The following GRM5 variants were observed in gnomAD, a reference collection of about 807,000 sequenced individuals.
GRM5 encodes metabotropic glutamate receptor 5.
Under a neutral mutation model 83.1 loss-of-function variants are expected in GRM5, and 19 were observed. The observed-to-expected ratio is 0.23, with a 90% confidence interval of 0.16 to 0.34. The LOEUF (loss-of-function observed/expected upper bound fraction) is 0.34, where lower values mean the gene tolerates loss of function less well. Ranked by LOEUF, GRM5 falls within the 10% of genes least tolerant of loss-of-function variation. The probability of loss-of-function intolerance (pLI) is 1.00; values close to 1 mark genes in which losing one functional copy is unlikely to be tolerated. For synonymous variants in GRM5, 675 were observed against 633.6 expected (o/e 1.07, Z -0.98); for missense variants, 1,160 against 1,588.3 (o/e 0.73, Z 4.58).
intron 4 of GRM5, among the ~76,000 whole-genome samples, chr11:88,609,975 T>C (rs1294683776): frequency 6.6e-6 from 1 of 152,196 alleles, no homozygotes; most frequent in East Asian, 1.9e-4. Context: ...CCCAGCACCA[T>C]TTATTGGATA....
At chr11:88,806,586 T>C (rs1207247462) in intron 3 of GRM5, among the ~76,000 whole-genome samples, 2 of 152,168 alleles carry the variant, frequency 1.3e-5, no homozygotes, top group East Asian at 3.9e-4. Flanking sequence ...ATAACTAGCT[T>C]TCAAGAATTG....
At chr11:88,956,930 G>C (rs1365215506) in intron 2 of GRM5, among the ~76,000 whole-genome samples, 1 of 152,006 alleles carries the variant, frequency 6.6e-6, no homozygotes, top group Non-Finnish European at 1.5e-5. Context: ...ACCTTACTGG[G>C]TTATTGTGAG....
intron 4 of GRM5, among the ~76,000 whole-genome samples, chr11:88,622,890 G>A (rs1342934574): frequency 3.9e-5 from 6 of 152,064 alleles, no homozygotes; most frequent in African/African-American, 7.2e-5. Flanking sequence ...GTGTAATCCC[G>A]GGCAAGTTAT....
chr11:88,910,183 G>A (rs1945472857), intron 2 of GRM5, among the ~76,000 whole-genome samples: 1 of 151,892 alleles, frequency 6.6e-6, no homozygotes, highest in Admixed American at 6.6e-5. Flanking sequence ...TTGTCTTCTT[G>A]TATCTAGTTT....
At chr11:88,760,898 T>C (rs577016074) in intron 3 of GRM5, among the ~76,000 whole-genome samples, 74 of 152,158 alleles carry the variant, frequency 4.9e-4, no homozygotes, top group African/African-American at 1.7e-3. Context: ...CAAGGTTGGT[T>C]CAAGGGATGC....
chr11:88,845,116 G>C (rs1944275607), intron 3 of GRM5, among the ~76,000 whole-genome samples: 1 of 152,166 alleles, frequency 6.6e-6, no homozygotes, highest in African/African-American at 2.4e-5. Flanking sequence ...AACATTTCAT[G>C]CTACAGATAA....
At chr11:88,938,926 T>A (rs1937993522) in intron 2 of GRM5, among the ~76,000 whole-genome samples, 1 of 151,784 alleles carries the variant, frequency 6.6e-6, no homozygotes, top group Non-Finnish European at 1.5e-5. Context: ...TGGATTCTAG[T>A]CCATATTCTC....
At chr11:88,622,805 C>T (rs1013763804) in intron 4 of GRM5, among the ~76,000 whole-genome samples, 1 of 152,128 alleles carries the variant, frequency 6.6e-6, no homozygotes. Flanking sequence ...GAATTAGTCT[C>T]ATGCGTATGC....
intron 2 of GRM5, among the ~76,000 whole-genome samples, chr11:88,855,738 G>C (rs1213017674): frequency 6.6e-6 from 1 of 151,838 alleles, no homozygotes; most frequent in African/African-American, 2.4e-5. Flanking sequence ...AATTAAAATA[G>C]ATTTCTGTAT....
intron 2 of GRM5, among the ~76,000 whole-genome samples, chr11:88,934,668 T>G (rs1455043099): frequency 1.3e-5 from 2 of 151,942 alleles, no homozygotes; most frequent in African/African-American, 4.8e-5. Context: ...GAATTTTATT[T>G]TATTTTAATT....
At chr11:89,020,659 T>A (rs1366997921) in intron 2 of GRM5, among the ~76,000 whole-genome samples, 2 of 152,226 alleles carry the variant, frequency 1.3e-5, no homozygotes, top group Non-Finnish European at 2.9e-5. Flanking sequence ...AACCATCGAT[T>A]CCAGCTTCAT....
At chr11:88,629,528 C>T (rs777925204) in intron 4 of GRM5, among the ~76,000 whole-genome samples, 1 of 152,104 alleles carries the variant, frequency 6.6e-6, no homozygotes, top group African/African-American at 2.4e-5. Context: ...TTATTGATCA[C>T]GGACAAATAG....
intron 2 of GRM5, among the ~76,000 whole-genome samples, chr11:88,940,928 T>G (rs1294919726): frequency 1.3e-5 from 2 of 152,018 alleles, no homozygotes; most frequent in African/African-American, 4.8e-5. Flanking sequence ...ATGAACACAC[T>G]TACATGTGCA....
intron 2 of GRM5, among the ~76,000 whole-genome samples, chr11:88,958,164 AG>A (rs1367680234): frequency 1.3e-4 from 20 of 151,804 alleles, no homozygotes; most frequent in Middle Eastern, 3.4e-3. Context: ...GCACCCACAC[AG>A]GTCCTCTCCA....
intron 3 of GRM5, among the ~76,000 whole-genome samples, chr11:88,653,897 A>G (rs1347169047): frequency 6.6e-6 from 1 of 152,082 alleles, no homozygotes; most frequent in Non-Finnish European, 1.5e-5. Flanking sequence ...ATCAAATTTT[A>G]CAAATGAATA....
chr11:88,522,582 TCTCTCG>T (rs1272574086), intron 9 of GRM5, among the ~76,000 whole-genome samples: 1 of 136,700 alleles, frequency 7.3e-6, no homozygotes, highest in Non-Finnish European at 1.6e-5. Context: ...TCTCTCTCTC[TCTCTCG>T]CTCTCTCTCT....
Position 88,604,894 on chromosome 11 carries a change from C to T in GRM5, c.1218G>A (p.Ser406=), listed in dbSNP as rs768332183. 58 of 1,612,802 alleles carry T rather than the reference C, an allele frequency of 3.6e-5. No individual in the cohort carries two copies. The highest frequency in any genetic ancestry group is 6.7e-5 in the East Asian group (3 of 44,874). The change falls in exon 5 of 10, where the codon TCG becomes TCA. Residue 406 remains serine (S), a synonymous_variant. Transcript: ENST00000305447. The stretch of plus-strand genomic sequence containing the variant: ...GCATGTTGTGGAGCCCATAGGCCAT[C>T]GAATAGATGGCGTTGATCACAAATC... ...KMGFVINAIY[S]MAYGLHNMQM...
At chr11:88,904,591 G>A (rs977692311) in intron 2 of GRM5, among the ~76,000 whole-genome samples, 3 of 151,830 alleles carry the variant, frequency 2.0e-5, no homozygotes, top group African/African-American at 7.3e-5. Context: ...TTTCTTTTTC[G>A]GTGGAATCCC....
At chr11:88,526,436 A>G (rs1387886124) in intron 8 of GRM5, among the ~76,000 whole-genome samples, 1 of 152,192 alleles carries the variant, frequency 6.6e-6, no homozygotes, top group Non-Finnish European at 1.5e-5. Context: ...GAAAGTCACA[A>G]GCCTCATCAG....
Sources: gnomAD v4.1 joint callset for allele counts (sites outside exome capture counted in the v4.1 genomes callset) on GRCh38, gnomAD v4.1.1 for gene constraint, MANE v1.5 for transcripts, NCBI Gene and HGNC (gene_info 2026-07-23, HGNC 2026-07-21) for gene names.